The following LCOR variants were observed in gnomAD, a reference collection of about 807,000 sequenced individuals.
LCOR encodes ligand dependent nuclear receptor corepressor.
In LCOR, 14 loss-of-function variants were observed where a neutral mutation model predicts 64.4. The observed-to-expected ratio is 0.22, with a 90% CI of 0.14 to 0.34. The LOEUF is 0.34. Ranked by LOEUF, LCOR falls within the 10% of genes least tolerant of loss-of-function variation. LCOR has a pLI of 1.00. For missense variants in LCOR, 1,686 were observed against 1,765.3 expected (o/e 0.96, Z 0.80); for synonymous variants, 643 against 642.5 (o/e 1.00, Z -0.01).
intron 2 of LCOR, 99 bp downstream of exon 2, chr10:96,833,578 C>G (rs896061654): frequency 1.7e-5 from 7 of 421,466 alleles, no homozygotes; most frequent in Non-Finnish European, 1.9e-5. Context: ...GTTACTTCCC[C>G]GTCTTTGCTT....
intron 4 of LCOR, among the ~76,000 whole-genome samples, chr10:96,923,155 G>A (rs1249002020): frequency 6.6e-6 from 1 of 152,180 alleles, no homozygotes; most frequent in Non-Finnish European, 1.5e-5. Context: ...TAGGAAAGTG[G>A]CATTTAAATC....
Position 96,982,162 on chromosome 10 carries a change from C to T in LCOR, c.1702C>T (p.Pro568Ser), listed in dbSNP as rs554750936. 6.2e-7 allele frequency: 1 copy of T among 1,614,136 alleles called. No homozygotes were observed. Among genetic ancestry groups the T allele is most frequent in the South Asian group, 1.1e-5 (1 of 91,080 alleles). ...QLPREDNPEEPSKEITSHEEG... is the reference protein window; with the variant it reads ...QLPREDNPEESSKEITSHEEG... ...TCCCAGAGAAGACAACCCTGAAGAA[C>T]CTAGCAAGGAAATCACCTCTCACGA... The change falls in exon 8 of 8, where the codon CCT (proline) becomes TCT (serine). Residue 568 changes from proline to serine, a missense_variant. By Grantham distance (74) the Pro-to-Ser change is moderately conservative. Around this residue, in one of 3 missense-constraint regions of LCOR, gnomAD observed 1,293 missense variants for 1,410.4 expected, o/e 0.92. Transcript: ENST00000421806.
intron 7 of LCOR, chr10:96,955,012 C>T: frequency 6.2e-7 from 1 of 1,614,060 alleles, no homozygotes; most frequent in South Asian, 1.1e-5. Context: ...GATGGGGTAC[C>T]TCCAAGAAGC....
At chr10:96,856,228 G>A (rs545190689) in intron 2 of LCOR, among the ~76,000 whole-genome samples, 11 of 152,118 alleles carry the variant, frequency 7.2e-5, no homozygotes, top group Admixed American at 5.2e-4. Context: ...GCGCCACCAC[G>A]CCCGGCTAAT....
At chr10:96,850,919 T>C (rs1426920246) in intron 2 of LCOR, among the ~76,000 whole-genome samples, 1 of 152,236 alleles carries the variant, frequency 6.6e-6, no homozygotes, top group African/African-American at 2.4e-5. Context: ...AGATACTGAC[T>C]ACAGCTGATG....
At chr10:96,841,895 C>T (rs931860302) in intron 2 of LCOR, among the ~76,000 whole-genome samples, 3 of 151,760 alleles carry the variant, frequency 2.0e-5, no homozygotes, top group Non-Finnish European at 2.9e-5. Context: ...CCACTCCACC[C>T]GGCCAGAGCA....
At position 96,994,058 on chromosome 10, in the gene LCOR, C is replaced by G. The variant is rs576092621; in HGVS notation, c.*8924C>G. The stretch of plus-strand genomic sequence containing the variant: ...CTCTAGCAATGGATGAGAAATCTGC[C>G]AGCACCAGACACATCAAAATTGGGC... On this transcript the variant is annotated 3_prime_UTR_variant, in exon 8 of 8. Transcript: ENST00000421806. 2 of 152,028 alleles carry G rather than the reference C, an allele frequency of 1.3e-5. No homozygotes were observed. Among genetic ancestry groups the G allele is most frequent in the East Asian group, 3.9e-4 (2 of 5,192 alleles). 9.4% of individuals were successfully genotyped at this position (152,028 alleles called of 1,614,324 possible). A position where few individuals can be genotyped will look rare whatever the true frequency, so the allele number is the denominator to read the frequency against.
intron 4 of LCOR, among the ~76,000 whole-genome samples, chr10:96,913,553 T>C (rs1294412575): frequency 2.6e-5 from 4 of 152,192 alleles, no homozygotes; most frequent in Non-Finnish European, 5.9e-5. Flanking sequence ...AATATAAAAT[T>C]AGTTTATGCA....
At chr10:96,873,602 G>A (rs1452635902) in intron 2 of LCOR, among the ~76,000 whole-genome samples, 2 of 148,708 alleles carry the variant, frequency 1.3e-5, no homozygotes, top group South Asian at 2.1e-4. Context: ...GTGTGTGTGT[G>A]TGTGTGTGTG....
chr10:96,860,314 C>A (rs1371107507), intron 2 of LCOR, among the ~76,000 whole-genome samples: 2 of 151,960 alleles, frequency 1.3e-5, no homozygotes, highest in Non-Finnish European at 2.9e-5. Context: ...TAGGGTGGCC[C>A]CTAATCCAAC....
At chr10:96,835,576 CA>C (rs1266050204) in intron 2 of LCOR, among the ~76,000 whole-genome samples, 1 of 152,132 alleles carries the variant, frequency 6.6e-6, no homozygotes, top group Non-Finnish European at 1.5e-5. Context: ...TTAGGCAATT[CA>C]AAAGGTAACT....
At chr10:96,910,717 C>A (rs777150069) in intron 4 of LCOR, among the ~76,000 whole-genome samples, 17 of 152,140 alleles carry the variant, frequency 1.1e-4, no homozygotes, top group Non-Finnish European at 1.8e-4. Flanking sequence ...CAGCATAGAG[C>A]ATGGTACTGG....
intron 5 of LCOR, 92 bp from the exon 6 acceptor site, chr10:96,948,916 A>C (rs1176181727): frequency 2.0e-6 from 2 of 996,118 alleles, no homozygotes; most frequent in African/African-American, 3.2e-5. Context: ...ACTGCATTTT[A>C]AGAAAAATAA....
chr10:96,844,525 C>A (rs997199126), intron 2 of LCOR, among the ~76,000 whole-genome samples: 5 of 152,110 alleles, frequency 3.3e-5, no homozygotes, highest in African/African-American at 1.2e-4. Flanking sequence ...TTATTCTATT[C>A]ATTTTCTGTT....
In LCOR at chr10:96,832,311, G is replaced by A. The variant is rs1845347829; in HGVS notation, c.-492G>A. The A allele has an allele frequency of 1.2e-5, 12 of 982,934 alleles. No individual in the cohort carries two copies. The highest frequency in any genetic ancestry group is 8.8e-5 in the African/African-American group (5 of 56,952). 60.9% of individuals were successfully genotyped at this position (982,934 alleles called of 1,614,324 possible). On this transcript the variant is annotated 5_prime_UTR_variant, in exon 1 of 8. Coordinates refer to ENST00000421806, the MANE Select transcript of LCOR (RefSeq NM_001346516.2). ...CGGGCGGGCGGCAGAAGATGGCGAG[G>A]GTGTGTAGGCGGCAGCAATGCTCCG...
intron 2 of LCOR, among the ~76,000 whole-genome samples, chr10:96,848,647 A>G (rs1021599411): frequency 6.6e-6 from 1 of 152,148 alleles, no homozygotes; most frequent in African/African-American, 2.4e-5. Context: ...AACAAGAGTG[A>G]AACTCCATCT....
chr10:96,983,321 T>C lies in LCOR; in HGVS notation c.2861T>C (p.Met954Thr), dbSNP rs751513919. 4 of 1,614,146 alleles carry C rather than the reference T, an allele frequency of 2.5e-6. No homozygotes were observed. The highest frequency in any genetic ancestry group is 3.4e-6 in the Non-Finnish European group (4 of 1,180,020). ...TTGGAAATCTATGTTCAGTCTAAAA[T>C]GGATGAGAAGAATGCTCATATCCCC... ...ERLEIYVQSK[M>T]DEKNAHIPSE... Residue 954 changes from methionine to threonine, a missense_variant, in exon 8 of 8, where the codon ATG becomes ACG. Physicochemically the swap from Met to Thr is moderately conservative, Grantham distance 81. Transcript: ENST00000421806. The surrounding 1 kb of genome is among the most constrained non-coding windows in gnomAD (Gnocchi z 4.5).
At chr10:96,903,191 G>T (rs116058748) in intron 2 of LCOR, among the ~76,000 whole-genome samples, 4,806 of 152,162 alleles carry the variant, frequency 0.032, 260 homozygotes, top group African/African-American at 0.11. Flanking sequence ...AAGTGGTAAG[G>T]GAACAAGAAG....
chr10:96,944,513 A>G (rs1847553085), intron 5 of LCOR, among the ~76,000 whole-genome samples: 1 of 152,146 alleles, frequency 6.6e-6, no homozygotes, highest in African/African-American at 2.4e-5. Flanking sequence ...AGCTCTCAGT[A>G]GTACTACATT....
Sources: allele counts gnomAD v4.1 joint callset (sites outside exome capture counted in the v4.1 genomes callset), GRCh38; gene constraint gnomAD v4.1.1; regional missense constraint gnomAD v4.1.1; non-coding constraint Gnocchi (gnomAD v3.1); transcripts MANE v1.5; gene names NCBI Gene and HGNC (gene_info 2026-07-23, HGNC 2026-07-21).